FTO: variants seen among roughly 807,000 people sequenced by gnomAD.
The protein encoded by FTO is alpha-ketoglutarate-dependent dioxygenase FTO.
Under a neutral mutation model 63.9 loss-of-function variants are expected in FTO, and 47 were observed. The ratio of observed to expected loss-of-function variants is 0.74; its 90% confidence interval spans 0.58 to 0.94. The LOEUF is 0.94. Among genes scored for constraint, FTO ranks in the 40% least tolerant of loss-of-function variants. The pLI is 0.00. For missense variants in FTO, 562 were observed against 618.1 expected (o/e 0.91, Z 0.96); for synonymous variants, 207 against 224.4 (o/e 0.92, Z 0.69).
At chr16:53,721,060 G>C (rs2076027844) in intron 1 of FTO, among the ~76,000 whole-genome samples, 1 of 152,104 alleles carries the variant, frequency 6.6e-6, no homozygotes, top group Admixed American at 6.5e-5. Flanking sequence ...AAAGTCCTAG[G>C]ATTACAGGTA....
chr16:53,719,115 C>T (rs1051985260), intron 1 of FTO, among the ~76,000 whole-genome samples: 5 of 152,122 alleles, frequency 3.3e-5, no homozygotes, highest in South Asian at 2.1e-4. Context: ...AATTTGGTAT[C>T]GTATTATGCT....
At chr16:54,086,431 G>A (rs1161353755) in intron 8 of FTO, among the ~76,000 whole-genome samples, 1 of 152,192 alleles carries the variant, frequency 6.6e-6, no homozygotes, top group Non-Finnish European at 1.5e-5. Flanking sequence ...GGAATTTATG[G>A]TGAAAATGCA....
intron 8 of FTO, among the ~76,000 whole-genome samples, chr16:53,985,717 C>T (rs757958325): frequency 6.6e-5 from 10 of 152,192 alleles, no homozygotes; most frequent in Non-Finnish European, 1.2e-4. Flanking sequence ...CAGTTCTCCA[C>T]CTCTGACTCT....
chr16:53,983,056 A>C (rs1311396506), intron 8 of FTO, among the ~76,000 whole-genome samples: 1 of 152,162 alleles, frequency 6.6e-6, no homozygotes, highest in Non-Finnish European at 1.5e-5. Context: ...ATGGTAAAGT[A>C]ATTACTGCTA....
chr16:53,952,365 A>G (rs1359163009), intron 8 of FTO, among the ~76,000 whole-genome samples: 1 of 152,212 alleles, frequency 6.6e-6, no homozygotes, highest in Non-Finnish European at 1.5e-5. Flanking sequence ...GCAACATAGC[A>G]TATGATAATG....
intron 8 of FTO, among the ~76,000 whole-genome samples, chr16:53,963,774 A>T (rs1820670566): frequency 6.6e-6 from 1 of 152,140 alleles, no homozygotes; most frequent in South Asian, 2.1e-4. Flanking sequence ...TTTATAAATT[A>T]TCCAGTCTCA....
intron 2 of FTO, among the ~76,000 whole-genome samples, chr16:53,817,088 T>C (rs937500256): frequency 6.6e-6 from 1 of 152,266 alleles, no homozygotes; most frequent in Non-Finnish European, 1.5e-5. Flanking sequence ...AAATAGGACC[T>C]ATCTTCTTTT....
chr16:54,028,711 G>A (rs553129067), intron 8 of FTO, among the ~76,000 whole-genome samples: 2 of 152,040 alleles, frequency 1.3e-5, no homozygotes, highest in African/African-American at 2.4e-5. Context: ...GTATTTTATT[G>A]TATACACTAT....
intron 1 of FTO, among the ~76,000 whole-genome samples, chr16:53,798,232 G>A (rs887507503): frequency 2.0e-5 from 3 of 152,042 alleles, no homozygotes; most frequent in Non-Finnish European, 4.4e-5. Flanking sequence ...TTGAAGTTAG[G>A]TAGTGAAGTC....
intron 8 of FTO, among the ~76,000 whole-genome samples, chr16:53,976,398 C>T (rs1200514390): frequency 6.6e-6 from 1 of 152,014 alleles, no homozygotes; most frequent in Non-Finnish European, 1.5e-5. Flanking sequence ...ATTCTTGCCT[C>T]CACTGATTTG....
chr16:53,760,881 C>T (rs1285215988), intron 1 of FTO, among the ~76,000 whole-genome samples: 8 of 152,096 alleles, frequency 5.3e-5, no homozygotes, highest in Non-Finnish European at 2.9e-5. Context: ...CCTGCCTTGG[C>T]CTCCCAAAGT....
chr16:54,116,942 A>G lies in FTO; in HGVS notation c.*5027A>G, dbSNP rs913017287. The G allele has an allele frequency of 2.0e-5, 3 of 152,240 alleles. No homozygotes were observed. Among genetic ancestry groups the G allele is most frequent in the African/African-American group, 7.2e-5 (3 of 41,408 alleles). 9.4% of individuals were successfully genotyped at this position (152,240 alleles called of 1,614,324 possible). On this transcript the variant is annotated 3_prime_UTR_variant, in exon 9 of 9. Transcript: ENST00000471389. ...GTCCCATCGGCCCCATGCTCCCAGG[A>G]CAGTCCTAATTCCCACCTCTCAGAA...
At chr16:53,848,059 A>G (rs1165370612) in intron 4 of FTO, among the ~76,000 whole-genome samples, 1 of 152,128 alleles carries the variant, frequency 6.6e-6, no homozygotes, top group Non-Finnish European at 1.5e-5. Context: ...TGCACTTAGA[A>G]TATATATTTT....
rs78465059 is a variant in FTO, at chr16:54,061,605, TTG to T, written c.1365-50131_1365-50130del. 7.3e-3 allele frequency: 1,085 copies of T among 148,800 alleles called. 8 individuals carry two copies. The highest frequency in any genetic ancestry group is 0.019 in the African/African-American group (770 of 40,962). 9.2% of individuals were successfully genotyped at this position (148,800 alleles called of 1,614,324 possible). A position where few individuals can be genotyped will look rare whatever the true frequency, so the allele number is the denominator to read the frequency against. On this transcript the variant is annotated intron_variant, in intron 8 of 8. Transcript: ENST00000471389. ...GGCACGCCTGAACTGGCATGTGTGT[TTG>T]TGTGTGTGTGTGTGTGTGTGTGTGT...
intron 7 of FTO, among the ~76,000 whole-genome samples, chr16:53,932,966 C>T (rs1042738806): frequency 2.6e-5 from 4 of 152,144 alleles, no homozygotes; most frequent in African/African-American, 9.7e-5. Context: ...TTGACAGTCC[C>T]TCTAAGACTT....
chr16:53,821,879 A>G (rs1221076379), intron 2 of FTO, among the ~76,000 whole-genome samples: 1 of 152,188 alleles, frequency 6.6e-6, no homozygotes, highest in African/African-American at 2.4e-5. Flanking sequence ...CATTTTATGT[A>G]TCATTTGTGG....
intron 8 of FTO, among the ~76,000 whole-genome samples, chr16:54,034,619 G>C (rs2084904597): frequency 6.6e-6 from 1 of 152,132 alleles, no homozygotes; most frequent in Admixed American, 6.5e-5. Flanking sequence ...GTGAACATAA[G>C]ACCAGGTAAT....
In FTO at chr16:53,894,709, A is replaced by G. The variant is rs2081235195; in HGVS notation, c.1239+5758A>G. The stretch of plus-strand genomic sequence containing the variant: ...TGCACATTAAGTTACATCAGCCAAC[A>G]TAATCCAGTCTCCCATTTTTCAGGG... On this transcript the variant is annotated intron_variant, in intron 7 of 8. Coordinates refer to ENST00000471389, the MANE Select transcript of FTO (RefSeq NM_001080432.3). Among the ~76,000 whole-genome samples the G allele has an allele frequency of 3.9e-5, 6 of 152,224 alleles. No individual in the cohort carries two copies. The South Asian group carries it at 1.2e-3, about 32-fold the overall frequency.
At chr16:53,854,412 AT>A (rs1297969581) in intron 4 of FTO, among the ~76,000 whole-genome samples, 1 of 152,062 alleles carries the variant, frequency 6.6e-6, no homozygotes, top group East Asian at 1.9e-4. Flanking sequence ...TTCTTCTAGA[AT>A]TTTTATGGGC....
Sources: allele counts gnomAD v4.1 joint callset (sites outside exome capture counted in the v4.1 genomes callset), GRCh38; gene constraint gnomAD v4.1.1; transcripts MANE v1.5; gene names NCBI Gene and HGNC (gene_info 2026-07-23, HGNC 2026-07-21).